Variants in FAR2 observed in about 807,000 individuals in gnomAD.
The protein encoded by FAR2 is fatty acyl-CoA reductase 2, also known as epididymis secretory protein Li 81.
Under a neutral mutation model 56.0 loss-of-function variants are expected in FAR2, and 19 were observed. That is an observed-to-expected ratio of 0.34 (90% CI 0.24 to 0.50). The LOEUF is 0.50. Among genes scored for constraint, FAR2 ranks in the 20% least tolerant of loss-of-function variants. The pLI is 0.98. For missense variants in FAR2, 508 were observed against 642.2 expected (o/e 0.79, Z 2.26); for synonymous variants, 219 against 218.8 (o/e 1.00, Z -0.01).
chr12:29,307,647 C>T lies in FAR2; in HGVS notation c.546-11C>T, dbSNP rs1949273528. On this transcript the variant is annotated splice_polypyrimidine_tract_variant and intron_variant, in intron 4 of 11. Coordinates refer to ENST00000536681, the MANE Select transcript of FAR2 (RefSeq NM_001271783.2). ...ATATGTTACTAGAATTCTCTTTACT[C>T]TACCTTTTAGGTGGTTAGACGATGC... is the stretch of plus-strand genomic sequence containing the variant. The T allele has an allele frequency of 1.3e-6, 2 of 1,589,558 alleles. No homozygotes were observed. The highest frequency in any genetic ancestry group is 1.7e-6 in the Non-Finnish European group (2 of 1,172,604).
intron 1 of FAR2, among the ~76,000 whole-genome samples, chr12:29,262,549 G>C (rs567996398): frequency 6.6e-6 from 1 of 152,292 alleles, no homozygotes; most frequent in African/African-American, 2.4e-5. Flanking sequence ...AGAATCACTT[G>C]AACCCGGGAA....
intron 1 of FAR2, among the ~76,000 whole-genome samples, chr12:29,174,055 G>A (rs1044188924): frequency 3.9e-5 from 6 of 152,080 alleles, no homozygotes; most frequent in Non-Finnish European, 2.9e-5. Flanking sequence ...CCCCTGTCCT[G>A]TAAAGATGTT....
At chr12:29,209,692 C>CTGTGTGTGTGTG (rs34881464) in intron 1 of FAR2, among the ~76,000 whole-genome samples, 48 of 149,186 alleles carry the variant, frequency 3.2e-4, no homozygotes, top group African/African-American at 6.2e-4. Context: ...GATGTCTGCT[C>CTGTGTGTGTGTG]TGTGTGTGTG....
At chr12:29,182,226 G>A (rs910771619) in intron 1 of FAR2, among the ~76,000 whole-genome samples, 4 of 152,224 alleles carry the variant, frequency 2.6e-5, no homozygotes, top group African/African-American at 7.2e-5. Flanking sequence ...AAGATTTACT[G>A]TGAAGAGTGA....
At chr12:29,218,987 C>G (rs11050133) in intron 1 of FAR2, among the ~76,000 whole-genome samples, 6,562 of 152,142 alleles carry the variant, frequency 0.043, 361 homozygotes, top group African/African-American at 0.13. Context: ...TGCCTGGGAT[C>G]AAGCAATCCC....
chr12:29,254,758 C>T (rs1367800779), intron 1 of FAR2, among the ~76,000 whole-genome samples: 4 of 152,162 alleles, frequency 2.6e-5, no homozygotes, highest in South Asian at 2.1e-4. Context: ...TCGAGACTAG[C>T]GTGGCCAACA....
intron 10 of FAR2, among the ~76,000 whole-genome samples, chr12:29,322,567 C>G (rs1949570553): frequency 6.6e-6 from 1 of 152,168 alleles, no homozygotes; most frequent in South Asian, 2.1e-4. Flanking sequence ...AACTTCTTGG[C>G]AGTCACAAAG....
At chr12:29,316,651 C>A (rs1314768528) in intron 8 of FAR2, among the ~76,000 whole-genome samples, 190 bp from the exon 9 acceptor site, 1 of 152,182 alleles carries the variant, frequency 6.6e-6, no homozygotes, top group Non-Finnish European at 1.5e-5. Context: ...TTAACCCATT[C>A]ACACTGTTTC....
chr12:29,320,612 A>T (rs1049914983), intron 9 of FAR2, among the ~76,000 whole-genome samples: 1 of 152,212 alleles, frequency 6.6e-6, no homozygotes, highest in Admixed American at 6.5e-5. Context: ...GTTAACTACA[A>T]ATCAAGTGCT....
chr12:29,325,813 T>C (rs1335458693), intron 10 of FAR2, among the ~76,000 whole-genome samples: 1 of 151,810 alleles, frequency 6.6e-6, no homozygotes. Flanking sequence ...GATCTAAAAT[T>C]GACACCCTAA....
At chr12:29,218,149 G>A (rs1272602028) in intron 1 of FAR2, among the ~76,000 whole-genome samples, 1 of 152,102 alleles carries the variant, frequency 6.6e-6, no homozygotes, top group African/African-American at 2.4e-5. Context: ...AAGGTCAGGA[G>A]ATCCAGACCA....
intron 4 of FAR2, among the ~76,000 whole-genome samples, chr12:29,305,148 AT>A (rs57257605): frequency 0.31 from 46,743 of 149,866 alleles, 7,298 homozygotes; most frequent in East Asian, 0.36. Flanking sequence ...TATTTATTTT[AT>A]TTTTTTGAGA....
At position 29,311,853 on chromosome 12, in the gene FAR2, T is replaced by A. The variant is rs766085027; in HGVS notation, c.888-30T>A. ...CTCTCATTAGTTTTCTATTTTGTTG[T>A]ACTTATCTAATTTTTATTTCATTTT... On this transcript the variant is annotated intron_variant, in intron 7 of 11. Coordinates refer to ENST00000536681, the MANE Select transcript of FAR2 (RefSeq NM_001271783.2). 26 of 1,458,552 alleles carry A rather than the reference T, an allele frequency of 1.8e-5. No individual in the cohort carries two copies. In the African/African-American group the frequency reaches 3.4e-4, roughly 19 times the overall value. 90.4% of individuals were successfully genotyped at this position (1,458,552 alleles called of 1,614,324 possible). A position where few individuals can be genotyped will look rare whatever the true frequency, so the allele number is the denominator to read the frequency against.
intron 1 of FAR2, among the ~76,000 whole-genome samples, chr12:29,266,251 A>G (rs1364809618): frequency 6.6e-6 from 1 of 152,192 alleles, no homozygotes; most frequent in Non-Finnish European, 1.5e-5. Context: ...AGATTTGAAA[A>G]CAATCCAAGT....
intron 1 of FAR2, among the ~76,000 whole-genome samples, chr12:29,199,723 A>G (rs1214912391): frequency 6.6e-6 from 1 of 152,066 alleles, no homozygotes; most frequent in Non-Finnish European, 1.5e-5. Context: ...GGTCTCAAGC[A>G]CTTGCGGTAA....
chr12:29,277,442 T>A (rs7299283), intron 2 of FAR2: 100,624 of 152,104 alleles, frequency 0.66, 34,343 homozygotes, highest in African/African-American at 0.83. Context: ...TGTCAGGCAC[T>A]TATTGCTTTG....
At chr12:29,204,530 C>T (rs917549298) in intron 1 of FAR2, among the ~76,000 whole-genome samples, 23 of 152,116 alleles carry the variant, frequency 1.5e-4, no homozygotes, top group African/African-American at 5.6e-4. Flanking sequence ...GTGTGGTCTC[C>T]ACAGAAGGCC....
intron 9 of FAR2, among the ~76,000 whole-genome samples, chr12:29,320,311 A>G (rs1949529989): frequency 6.6e-6 from 1 of 152,230 alleles, no homozygotes; most frequent in African/African-American, 2.4e-5. Flanking sequence ...TATCATGTCC[A>G]ACCGTTATTT....
At chr12:29,291,309 A>G in intron 2 of FAR2, 2 of 446,682 alleles carry the variant, frequency 4.5e-6, no homozygotes, top group South Asian at 3.2e-5. Context: ...GAGGCGGTTA[A>G]GAAATACAAT....
Sources: gnomAD v4.1 joint callset for allele counts (sites outside exome capture counted in the v4.1 genomes callset) on GRCh38, gnomAD v4.1.1 for gene constraint, MANE v1.5 for transcripts, NCBI Gene and HGNC (gene_info 2026-07-23, HGNC 2026-07-21) for gene names.